The following THRB variants were observed in gnomAD, a reference collection of about 807,000 sequenced individuals.
THRB encodes the protein thyroid hormone receptor beta.
Under a neutral mutation model 47.8 loss-of-function variants are expected in THRB, and 12 were observed. The ratio of observed to expected loss-of-function variants is 0.25; its 90% CI spans 0.16 to 0.41. THRB has a LOEUF of 0.41. THRB is among the 10% of genes least tolerant of loss of function. The pLI is 1.00. For synonymous variants in THRB, 218 were observed against 212.2 expected, an observed-to-expected ratio of 1.03 and a Z score of -0.24; for missense variants, 348 against 589.2, an observed-to-expected ratio of 0.59 and a Z score of 4.24.
At chr3:24,304,548 T>C (rs918813326) in intron 2 of THRB, among the ~76,000 whole-genome samples, 1 of 151,940 alleles carries the variant, frequency 6.6e-6, no homozygotes, top group Non-Finnish European at 1.5e-5. Context: ...AGAGGAAAAA[T>C]GTGTGGCTTA....
At chr3:24,314,356 T>C (rs567940776) in intron 2 of THRB, among the ~76,000 whole-genome samples, 4 of 152,318 alleles carry the variant, frequency 2.6e-5, no homozygotes, top group African/African-American at 9.6e-5. Flanking sequence ...TATTTGTAAA[T>C]TCTTCCTTAA....
intron 1 of THRB, among the ~76,000 whole-genome samples, chr3:24,355,262 T>C (rs1164440884): frequency 6.6e-6 from 1 of 152,102 alleles, no homozygotes; most frequent in African/African-American, 2.4e-5. Flanking sequence ...ACTGGAGACA[T>C]TCTACAAAAT....
intron 5 of THRB, among the ~76,000 whole-genome samples, chr3:24,155,600 T>C (rs143528521): frequency 6.6e-6 from 1 of 152,354 alleles, no homozygotes; most frequent in African/African-American, 2.4e-5. Flanking sequence ...CCAATTCTCC[T>C]AGAGAACTTA....
Position 24,343,951 on chromosome 3 carries a change from A to G in THRB, c.-260-6580T>C, listed in dbSNP as rs1251409197. Among the ~76,000 whole-genome samples, 3 of 145,334 alleles carry G rather than the reference A, an allele frequency of 2.1e-5. No individual in the cohort carries two copies. The East Asian group carries it at 5.9e-4, about 28-fold the overall frequency. On this transcript the variant is annotated intron_variant, in intron 1 of 10. Transcript: ENST00000646209. ...ATTATTTATTTATATATTATATATTATTTATATATATATATATTTATTTCC... is the reference window on the plus strand; with the variant it reads ...ATTATTTATTTATATATTATATATTGTTTATATATATATATATTTATTTCC...
chr3:24,265,594 A>G (rs2052569137), intron 3 of THRB, among the ~76,000 whole-genome samples: 1 of 152,210 alleles, frequency 6.6e-6, no homozygotes, highest in African/African-American at 2.4e-5. Flanking sequence ...TTATTTTGCT[A>G]AGGCAAAGAA....
intron 5 of THRB, among the ~76,000 whole-genome samples, chr3:24,176,647 T>G (rs752748005): frequency 6.6e-6 from 1 of 152,156 alleles, no homozygotes; most frequent in Non-Finnish European, 1.5e-5. Flanking sequence ...ACATGCTACA[T>G]TGTGGGTGAA....
chr3:24,269,277 CCACACACACACACACA>C (rs4024153), intron 3 of THRB, among the ~76,000 whole-genome samples: 37 of 140,752 alleles, frequency 2.6e-4, no homozygotes, highest in African/African-American at 8.1e-4. Flanking sequence ...AATGGATACA[CCACACACACACACACA>C]CACACACACA....
intron 3 of THRB, among the ~76,000 whole-genome samples, chr3:24,286,967 G>T (rs892526730): frequency 6.6e-6 from 1 of 152,114 alleles, no homozygotes; most frequent in Non-Finnish European, 1.5e-5. Context: ...AGAAGTTGAA[G>T]ATCAAGTTAG....
chr3:24,162,353 T>C (rs950990459), intron 5 of THRB, among the ~76,000 whole-genome samples: 1 of 152,204 alleles, frequency 6.6e-6, no homozygotes, highest in African/African-American at 2.4e-5. Flanking sequence ...CAGCCAGCAC[T>C]GGCCCCGTGA....
chr3:24,285,952 T>C (rs888704448), intron 3 of THRB, among the ~76,000 whole-genome samples: 1 of 152,058 alleles, frequency 6.6e-6, no homozygotes, highest in Non-Finnish European at 1.5e-5. Flanking sequence ...CTCTGGGCGG[T>C]AGTTGGGTTA....
At chr3:24,457,203 C>T (rs149471085) in intron 1 of THRB, among the ~76,000 whole-genome samples, 13 of 152,270 alleles carry the variant, frequency 8.5e-5, no homozygotes, top group Non-Finnish European at 1.3e-4. Flanking sequence ...GCCTGTATTA[C>T]CACAGGACAA....
At chr3:24,406,663 T>C (rs1020448580) in intron 1 of THRB, among the ~76,000 whole-genome samples, 2 of 151,766 alleles carry the variant, frequency 1.3e-5, no homozygotes, top group African/African-American at 2.4e-5. Flanking sequence ...ATCCCTAGAA[T>C]AGTTTAGAGC....
At chr3:24,377,444 A>G (rs1335298770) in intron 1 of THRB, among the ~76,000 whole-genome samples, 1 of 151,782 alleles carries the variant, frequency 6.6e-6, no homozygotes, top group Non-Finnish European at 1.5e-5. Context: ...TGTAAGGGTG[A>G]GGGGCTGATG....
intron 3 of THRB, among the ~76,000 whole-genome samples, chr3:24,246,525 A>C (rs541095838): frequency 8.5e-4 from 129 of 152,096 alleles, no homozygotes; most frequent in African/African-American, 3.1e-3. Flanking sequence ...CTAGCATGAT[A>C]CTGAGTAGAA....
At chr3:24,458,767 C>T (rs1004723905) in intron 1 of THRB, 3 of 151,942 alleles carry the variant, frequency 2.0e-5, no homozygotes, top group African/African-American at 4.8e-5. Context: ...AAAGAAGAAC[C>T]GAACTGCAAA....
chr3:24,346,821 A>C (rs972349945), intron 1 of THRB, among the ~76,000 whole-genome samples: 3 of 152,076 alleles, frequency 2.0e-5, no homozygotes, highest in Non-Finnish European at 4.4e-5. Flanking sequence ...AAAATCCACA[A>C]TTAATGTGGG....
rs764172216 is a variant in THRB at position 24,152,438 on chromosome 3, G to A, written c.336C>T (p.Asp112=). The change falls in exon 6 of 11, where the codon GAC becomes GAT. Residue 112 remains aspartate, a synonymous_variant. Transcript: ENST00000646209. ...AGCGGTAGTGATACCCGGTGGCTTTGTCACCACACACTACACAGAGCTCGT... is the reference window on the plus strand; with the variant it reads ...AGCGGTAGTGATACCCGGTGGCTTTATCACCACACACTACACAGAGCTCGT... ...DKDELCVVCG[D]KATGYHYRCI... is the part of the protein sequence containing the mutation. The A allele has an allele frequency of 2.3e-5, 37 of 1,613,080 alleles. No individual in the cohort carries two copies. Among genetic ancestry groups the A allele is most frequent in the Non-Finnish European group, 3.1e-5 (36 of 1,179,274 alleles).
At chr3:24,392,040 C>T (rs771529014) in intron 1 of THRB, among the ~76,000 whole-genome samples, 5 of 152,086 alleles carry the variant, frequency 3.3e-5, no homozygotes, top group Admixed American at 6.6e-5. Flanking sequence ...GTGGCGACCC[C>T]GCTGAGAATT....
intron 1 of THRB, among the ~76,000 whole-genome samples, chr3:24,472,606 A>G (rs1694869284): frequency 2.0e-5 from 3 of 152,210 alleles, no homozygotes; most frequent in Admixed American, 2.0e-4. Flanking sequence ...CTCTGTGTGG[A>G]AAGAATGCCA....
Sources: allele counts gnomAD v4.1 joint callset (sites outside exome capture counted in the v4.1 genomes callset), GRCh38; gene constraint gnomAD v4.1.1; transcripts MANE v1.5; gene names NCBI Gene and HGNC (gene_info 2026-07-23, HGNC 2026-07-21).